ADGRL3: variants seen among roughly 807,000 people sequenced by gnomAD.
ADGRL3 encodes adhesion G protein-coupled receptor L3.
Under a neutral mutation model 153.5 loss-of-function variants are expected in ADGRL3, and 62 were observed. The ratio of observed to expected loss-of-function variants is 0.40; its 90% CI spans 0.33 to 0.50. The LOEUF (loss-of-function observed/expected upper bound fraction) is 0.50. Ranked by LOEUF, ADGRL3 falls within the 20% of genes least tolerant of loss-of-function variation. ADGRL3 has a pLI of 0.47. For synonymous variants in ADGRL3, 710 were observed against 672.5 expected, an observed-to-expected ratio of 1.06 and a Z score of -0.86; for missense variants, 1,641 against 1,859.4, an observed-to-expected ratio of 0.88 and a Z score of 2.16.
intron 1 of ADGRL3, among the ~76,000 whole-genome samples, chr4:61,218,573 C>G (rs1279922266): frequency 2.6e-5 from 4 of 152,104 alleles, no homozygotes; most frequent in Non-Finnish European, 1.5e-5. Context: ...AAGTTACCCA[C>G]CCACCTTGGC....
intron 2 of ADGRL3, among the ~76,000 whole-genome samples, chr4:61,387,794 A>G (rs1311713359): frequency 6.6e-6 from 1 of 152,088 alleles, no homozygotes; most frequent in Non-Finnish European, 1.5e-5. Context: ...GTTCTGAGGC[A>G]ATATACATCC....
chr4:61,318,239 A>G (rs1222616951), intron 1 of ADGRL3, among the ~76,000 whole-genome samples: 2 of 150,918 alleles, frequency 1.3e-5, no homozygotes, highest in African/African-American at 2.4e-5. Flanking sequence ...ACACACACAC[A>G]CAAAAGAAAA....
intron 6 of ADGRL3, among the ~76,000 whole-genome samples, chr4:61,700,935 GA>G (rs1229050272): frequency 2.6e-5 from 4 of 152,178 alleles, no homozygotes; most frequent in African/African-American, 9.6e-5. Flanking sequence ...AACTTGCTGA[GA>G]AAATACTTCT....
At chr4:61,960,341 C>T (rs944404084) in intron 17 of ADGRL3, among the ~76,000 whole-genome samples, 2 of 152,124 alleles carry the variant, frequency 1.3e-5, no homozygotes, top group African/African-American at 2.4e-5. Flanking sequence ...GGAACAAAAA[C>T]AAGACCCTGA....
At chr4:61,935,108 A>G (rs1364641458) in intron 14 of ADGRL3, 85 bp downstream of exon 14, 3 of 1,084,948 alleles carry the variant, frequency 2.8e-6, no homozygotes, top group Non-Finnish European at 4.0e-6. Context: ...GGTGTCCTAG[A>G]TATGAGTGAT....
At chr4:61,431,421 TGA>T (rs1241728827) in intron 2 of ADGRL3, among the ~76,000 whole-genome samples, 1 of 152,196 alleles carries the variant, frequency 6.6e-6, no homozygotes, top group Non-Finnish European at 1.5e-5. Context: ...CAATAGTCGA[TGA>T]GCCACTAAGA....
intron 2 of ADGRL3, among the ~76,000 whole-genome samples, chr4:61,386,129 GA>G: frequency 6.6e-6 from 1 of 152,230 alleles, no homozygotes; most frequent in Non-Finnish European, 1.5e-5. Flanking sequence ...TTAACTAAAT[GA>G]GTCCTCACAT....
intron 2 of ADGRL3, among the ~76,000 whole-genome samples, chr4:61,429,013 A>G (rs1242093054): frequency 6.6e-6 from 1 of 152,080 alleles, no homozygotes; most frequent in Non-Finnish European, 1.5e-5. Context: ...TTTCATTGAA[A>G]TAATCTATTA....
chr4:61,460,626 T>C (rs980768129), intron 2 of ADGRL3, among the ~76,000 whole-genome samples: 32 of 152,118 alleles, frequency 2.1e-4, no homozygotes, highest in African/African-American at 7.7e-4. Flanking sequence ...GACTGGGTAA[T>C]ATATAAAGAA....
chr4:61,856,792 A>T lies in ADGRL3; in HGVS notation c.1481-35864A>T, dbSNP rs1184902756. Among the ~76,000 whole-genome samples, 3 of 150,482 alleles carry T rather than the reference A, an allele frequency of 2.0e-5. No individual in the cohort carries two copies. The East Asian group carries it at 6.0e-4, about 30-fold the overall frequency. On this transcript the variant is annotated intron_variant, in intron 9 of 26. Coordinates refer to ENST00000683033, the MANE Select transcript of ADGRL3 (RefSeq NM_001387552.1). ...GCTGGTTTTTGTATTTTTAGTAGAG[A>T]TGAGTTTCACCATGTTGGCCAGATT...
chr4:62,058,823 C>A (rs2151837883), intron 25 of ADGRL3, among the ~76,000 whole-genome samples: 1 of 152,244 alleles, frequency 6.6e-6, no homozygotes, highest in East Asian at 1.9e-4. Flanking sequence ...AGAGACAGGG[C>A]AGACAGAATC....
At chr4:61,215,195 C>T (rs1005444090) in intron 1 of ADGRL3, among the ~76,000 whole-genome samples, 1 of 152,140 alleles carries the variant, frequency 6.6e-6, no homozygotes, top group Non-Finnish European at 1.5e-5. Flanking sequence ...ACATATTCTA[C>T]TTTCAGTATC....
At chr4:61,710,770 A>G (rs570872759) in intron 6 of ADGRL3, among the ~76,000 whole-genome samples, 12 of 152,180 alleles carry the variant, frequency 7.9e-5, no homozygotes, top group Admixed American at 2.0e-4. Flanking sequence ...TGCACTCTCT[A>G]TGTAACTATT....
At chr4:62,003,257 GTC>G (rs1486279295) in intron 21 of ADGRL3, among the ~76,000 whole-genome samples, 1 of 152,078 alleles carries the variant, frequency 6.6e-6, no homozygotes, top group African/African-American at 2.4e-5. Flanking sequence ...CTGATTTCTA[GTC>G]TCTCTCCTTA....
chr4:61,875,429 A>G (rs2098469604), intron 9 of ADGRL3, among the ~76,000 whole-genome samples: 1 of 152,228 alleles, frequency 6.6e-6, no homozygotes, highest in Admixed American at 6.5e-5. Flanking sequence ...ACCCTAAATT[A>G]AAATGGACTT....
intron 5 of ADGRL3, among the ~76,000 whole-genome samples, chr4:61,652,726 TTTATA>T (rs1454810968): frequency 3.3e-5 from 5 of 152,196 alleles, no homozygotes; most frequent in African/African-American, 1.2e-4. Context: ...AACTACAACA[TTTATA>T]TTTCTGTCAT....
intron 13 of ADGRL3, among the ~76,000 whole-genome samples, chr4:61,920,472 A>T (rs2098763681): frequency 6.6e-6 from 1 of 152,192 alleles, no homozygotes. Context: ...CAGAGTTACA[A>T]TTTTTATGTT....
chr4:61,561,097 T>A (rs111509435), intron 4 of ADGRL3, among the ~76,000 whole-genome samples: 1,854 of 152,286 alleles, frequency 0.012, 34 homozygotes, highest in African/African-American at 0.041. Context: ...TGCAAAATCT[T>A]ATATCAGATT....
At chr4:61,632,532 G>A (rs2150043085) in intron 5 of ADGRL3, among the ~76,000 whole-genome samples, 1 of 152,174 alleles carries the variant, frequency 6.6e-6, no homozygotes, top group South Asian at 2.1e-4. Context: ...GTACAGTCTG[G>A]TGTCATGCCT....
Sources: allele counts gnomAD v4.1 joint callset (sites outside exome capture counted in the v4.1 genomes callset), GRCh38; gene constraint gnomAD v4.1.1; transcripts MANE v1.5; gene names NCBI Gene and HGNC (gene_info 2026-07-23, HGNC 2026-07-21).